The following SLC44A2 variants were observed in gnomAD, a reference collection of about 807,000 sequenced individuals.
SLC44A2 encodes the protein solute carrier family 44 member 2 (CTL2 blood group).
Under a neutral mutation model 90.8 loss-of-function variants are expected in SLC44A2, and 57 were observed. The ratio of observed to expected loss-of-function variants is 0.63; its 90% CI spans 0.51 to 0.78. The LOEUF is 0.78. SLC44A2 is among the 30% of genes least tolerant of loss of function. The pLI is 0.00. For missense variants in SLC44A2, 794 were observed against 919.7 expected, an observed-to-expected ratio of 0.86 and a Z score of 1.77; for synonymous variants, 355 against 360.7, an observed-to-expected ratio of 0.98 and a Z score of 0.18.
chr19:10,602,688 C>A (rs1917994170), intron 1 of SLC44A2: 1 of 861,020 alleles, frequency 1.2e-6, no homozygotes, highest in Non-Finnish European at 1.5e-6. Context: ...CTCGGGCCCC[C>A]GCATCCGACA....
At chr19:10,602,715 C>A (rs1355380175) in intron 1 of SLC44A2, among the ~76,000 whole-genome samples, 5 of 152,194 alleles carry the variant, frequency 3.3e-5, no homozygotes, top group Admixed American at 3.3e-4. Flanking sequence ...GGATCCCACG[C>A]CCCCTGCTCT....
chr19:10,603,352 C>T (rs967464343), intron 1 of SLC44A2, among the ~76,000 whole-genome samples: 1 of 152,150 alleles, frequency 6.6e-6, no homozygotes, highest in African/African-American at 2.4e-5. Flanking sequence ...TCTCCTTTCT[C>T]TTCTCCATTT....
intron 1 of SLC44A2, among the ~76,000 whole-genome samples, chr19:10,618,683 G>A (rs1041522587): frequency 6.6e-6 from 1 of 151,924 alleles, no homozygotes; most frequent in African/African-American, 2.4e-5. Flanking sequence ...GTTTCACCGT[G>A]TTAGCCAGAA....
intron 1 of SLC44A2, among the ~76,000 whole-genome samples, chr19:10,610,408 T>C (rs1332568181): frequency 6.8e-6 from 1 of 146,788 alleles, no homozygotes; most frequent in Non-Finnish European, 1.5e-5. Context: ...CTCGGCTCAC[T>C]GCAAGCTCCG....
At chr19:10,611,086 T>G (rs1291393499) in intron 1 of SLC44A2, among the ~76,000 whole-genome samples, 3 of 152,128 alleles carry the variant, frequency 2.0e-5, no homozygotes, top group Admixed American at 6.6e-5. Flanking sequence ...GAAGCGATCC[T>G]TCCCCTTCAA....
chr19:10,608,460 C>G (rs1268668737), intron 1 of SLC44A2, among the ~76,000 whole-genome samples: 1 of 151,356 alleles, frequency 6.6e-6, no homozygotes, highest in East Asian at 1.9e-4. Context: ...AACTTTTTTT[C>G]GAAGTTGGAA....
rs186685172 is a variant in SLC44A2, at chr19:10,628,127, G to A, written c.245+123G>A. The A allele has an allele frequency of 8.1e-4, 705 of 866,100 alleles. 7 individuals are homozygous for A. The African/African-American group carries it at 0.01, about 12-fold the overall frequency. 53.7% of individuals were successfully genotyped at this position (866,100 alleles called of 1,614,324 possible). A position where few individuals can be genotyped will look rare whatever the true frequency, so the allele number is the denominator to read the frequency against. On this transcript the variant is annotated intron_variant, in intron 4 of 21. Transcript: ENST00000335757. ...AGGCTGGGCGCGGTGACTCACGCCCGAAATTCCAACACTTTGGGAGGCCGA... is the reference window on the plus strand; with the variant it reads ...AGGCTGGGCGCGGTGACTCACGCCCAAAATTCCAACACTTTGGGAGGCCGA...
At position 10,625,561 on chromosome 19, in the gene SLC44A2, C is replaced by G. The variant is rs3745242; in HGVS notation, c.-73C>G. On this transcript the variant is annotated 5_prime_UTR_variant, in exon 1 of 22. Coordinates refer to ENST00000335757, the MANE Select transcript of SLC44A2 (RefSeq NM_020428.4). ...CCGCCAGTCGCGCGGTCAGTGCCTC[C>G]CTCCAGACTCGGGAGGGTCGAGGGG... is the stretch of plus-strand genomic sequence containing the variant. The G allele has an allele frequency of 0.031, 38,366 of 1,233,040 alleles. 5,464 individuals are homozygous for G. In the East Asian group the frequency reaches 0.48, roughly 16 times the overall value. The allele number at this position is 1,233,040 out of a possible 1,614,324, so 76.4% of individuals were successfully genotyped here.
chr19:10,627,884 G>T (rs975031771), intron 3 of SLC44A2, 36 bp from the exon 4 acceptor site: 1 of 1,611,742 alleles, frequency 6.2e-7, no homozygotes, highest in Non-Finnish European at 8.5e-7. Context: ...GATCTGAGGA[G>T]TGGCAGTGTC....
chr19:10,634,367 G>A (rs2067030529), intron 10 of SLC44A2, among the ~76,000 whole-genome samples: 2 of 151,578 alleles, frequency 1.3e-5, no homozygotes, highest in South Asian at 4.2e-4. Flanking sequence ...GGGAAGCTGA[G>A]GCAGGAGAAT....
upstream of SLC44A2, chr19:10,625,459 A>C: frequency 8.2e-7 from 1 of 1,214,892 alleles, no homozygotes; most frequent in South Asian, 4.3e-5. Context: ...CGGGTCCCTT[A>C]GTCTGGGCAG....
chr19:10,607,333 C>G (rs919958454), intron 1 of SLC44A2, among the ~76,000 whole-genome samples: 3 of 151,824 alleles, frequency 2.0e-5, no homozygotes, highest in Admixed American at 1.3e-4. Context: ...CCGGACCATA[C>G]TTTATTCTTT....
chr19:10,617,094 G>A (rs573644001), intron 1 of SLC44A2, among the ~76,000 whole-genome samples: 2 of 151,866 alleles, frequency 1.3e-5, no homozygotes, highest in East Asian at 3.9e-4. Flanking sequence ...GCTAATTTTT[G>A]TATTTTTAGT....
intron 4 of SLC44A2, among the ~76,000 whole-genome samples, chr19:10,628,367 C>CT (rs2066957114): frequency 6.6e-6 from 1 of 152,142 alleles, no homozygotes; most frequent in East Asian, 1.9e-4. Context: ...GCCTGGGGCA[C>CT]AGAGTGAGAC....
At position 10,638,093 on chromosome 19, in the gene SLC44A2, G is replaced by T. The variant is rs761629968; in HGVS notation, c.1840G>T (p.Gly614Trp). The change falls in exon 19 of 22, where the codon GGG (glycine) becomes TGG (tryptophan). Residue 614 changes from glycine to tryptophan, a missense_variant and splice_region_variant. Physicochemically the swap from Gly to Trp is radical, Grantham distance 184. Around this residue, in one of 3 missense-constraint regions of SLC44A2, gnomAD observed 738 missense variants for 841.1 expected, o/e 0.88. Coordinates refer to ENST00000335757, the MANE Select transcript of SLC44A2 (RefSeq NM_020428.4). ...CAAACTTCTGATCGTTGGTAGTGTG[G>T]GTGAGTGCCGCCCACCTAGCCTCTC... is the stretch of plus-strand genomic sequence containing the variant. ...LGKLLIVGSV[G>W]ILAFFFFTHR... 1.9e-5 allele frequency: 30 copies of T among 1,613,276 alleles called. No homozygotes were observed. Among genetic ancestry groups the T allele is most frequent in the Non-Finnish European group, 7.6e-6 (9 of 1,179,900 alleles).
Position 10,631,311 on chromosome 19 carries a change from T to G in SLC44A2, c.367T>G (p.Tyr123Asp). 1 of 1,614,196 alleles carries G rather than the reference T, an allele frequency of 6.2e-7. No individual in the cohort carries two copies. Among genetic ancestry groups the G allele is most frequent in the Non-Finnish European group, 8.5e-7 (1 of 1,180,048 alleles). ...AAAATGCCCCGACCGCTACCTCACG[T>G]ACCTGAATGCTCGCAGCTCCCGGGA... The part of the protein sequence containing the change: ...VEKCPDRYLT[Y>D]LNARSSRDFE... The change falls in exon 6 of 22, where the codon TAC (tyrosine) becomes GAC (aspartate). Residue 123 changes from tyrosine (Y) to aspartate (D), a missense_variant. Tyr to Asp is a radical substitution (Grantham distance 160). This residue lies in a region of SLC44A2 where 738 missense variants were observed against 841.1 expected (regional missense o/e 0.88). Coordinates refer to ENST00000335757, the MANE Select transcript of SLC44A2 (RefSeq NM_020428.4).
At chr19:10,617,449 C>G (rs1372198096) in intron 1 of SLC44A2, among the ~76,000 whole-genome samples, 1 of 150,738 alleles carries the variant, frequency 6.6e-6, no homozygotes, top group Non-Finnish European at 1.5e-5. Context: ...AAGTGTATGC[C>G]AGGCACCTCT....
intron 1 of SLC44A2, among the ~76,000 whole-genome samples, chr19:10,618,420 C>T (rs1019811716): frequency 6.7e-6 from 1 of 149,386 alleles, no homozygotes; most frequent in East Asian, 2.0e-4. Context: ...GTGATCTCCC[C>T]GCCTTCGCCT....
chr19:10,620,012 A>G (rs2066885201), intron 1 of SLC44A2, among the ~76,000 whole-genome samples: 1 of 152,026 alleles, frequency 6.6e-6, no homozygotes, highest in Non-Finnish European at 1.5e-5. Context: ...TCTCTACAAA[A>G]AAAAATCCAA....
Sources: allele counts gnomAD v4.1 joint callset (sites outside exome capture counted in the v4.1 genomes callset), GRCh38; gene constraint gnomAD v4.1.1; regional missense constraint gnomAD v4.1.1; transcripts MANE v1.5; gene names NCBI Gene and HGNC (gene_info 2026-07-23, HGNC 2026-07-21).